ATF7IP2: variants seen among roughly 807,000 people sequenced by gnomAD.
The protein encoded by ATF7IP2 is activating transcription factor 7 interacting protein 2, also known as activating transcription factor 7-interacting protein 2.
In ATF7IP2, 42 loss-of-function variants were observed where a neutral mutation model predicts 64.2. That is an observed-to-expected ratio of 0.65 (90% CI 0.51 to 0.85). The LOEUF (loss-of-function observed/expected upper bound fraction) is 0.85, where lower values mean the gene tolerates loss of function less well. Ranked by LOEUF, ATF7IP2 falls within the 40% of genes least tolerant of loss-of-function variation. ATF7IP2 has a pLI of 0.00. For synonymous variants in ATF7IP2, 308 were observed against 272.8 expected (o/e 1.13, Z -1.27); for missense variants, 933 against 784.2 (o/e 1.19, Z -2.27).
At chr16:10,475,743 AACAG>A (rs1251847204) in intron 12 of ATF7IP2, among the ~76,000 whole-genome samples, 2 of 150,882 alleles carry the variant, frequency 1.3e-5, no homozygotes, top group East Asian at 3.9e-4. Flanking sequence ...AAAAAAAAAA[AACAG>A]AGAAAGAACA....
intron 6 of ATF7IP2, among the ~76,000 whole-genome samples, chr16:10,435,774 T>A (rs1287752726): frequency 2.0e-5 from 3 of 152,210 alleles, no homozygotes; most frequent in African/African-American, 4.8e-5. Flanking sequence ...AGTAACTGTT[T>A]AGTATACAAC....
chr16:10,431,816 ATTTC>A (rs1355979166), intron 5 of ATF7IP2, among the ~76,000 whole-genome samples: 1 of 122,472 alleles, frequency 8.2e-6, no homozygotes, highest in Non-Finnish European at 1.7e-5. Flanking sequence ...TGGTAACCCT[ATTTC>A]TTTTTTTTTT....
At chr16:10,435,795 C>G (rs1170974219) in intron 6 of ATF7IP2, among the ~76,000 whole-genome samples, 1 of 152,292 alleles carries the variant, frequency 6.6e-6, no homozygotes, top group East Asian at 1.9e-4. Context: ...TTTCCAGGCT[C>G]CTTTCCAAAA....
At chr16:10,474,565 A>G (rs1050399081) in intron 12 of ATF7IP2, among the ~76,000 whole-genome samples, 28 of 152,320 alleles carry the variant, frequency 1.8e-4, no homozygotes, top group African/African-American at 6.5e-4. Context: ...GAGTGACAAC[A>G]GTGTCTGTCG....
chr16:10,476,457 A>C (rs2050010881), intron 12 of ATF7IP2, among the ~76,000 whole-genome samples: 1 of 152,002 alleles, frequency 6.6e-6, no homozygotes, highest in South Asian at 2.1e-4. Flanking sequence ...CCCTTTTCTT[A>C]ACCATCCCTG....
At chr16:10,457,244 G>A (rs1308694749) in intron 8 of ATF7IP2, 128 bp from the exon 9 acceptor site, 5 of 750,100 alleles carry the variant, frequency 6.7e-6, no homozygotes, top group South Asian at 2.0e-5. Flanking sequence ...ATCAGCCATC[G>A]AAATACATGT....
At chr16:10,449,266 A>G (rs1035291561) in intron 8 of ATF7IP2, 1 of 152,056 alleles carries the variant, frequency 6.6e-6, no homozygotes, top group African/African-American at 2.4e-5. Context: ...ATTGGCCTGA[A>G]ATTTTCTTTT....
Position 10,454,928 on chromosome 16 carries a change from A to G in ATF7IP2, c.1195-2444A>G, listed in dbSNP as rs572876390. Among the ~76,000 whole-genome samples, 13 of 152,356 alleles carry G rather than the reference A, an allele frequency of 8.5e-5. No homozygotes were observed. The East Asian group carries it at 1.9e-3, about 23-fold the overall frequency. On this transcript the variant is annotated intron_variant, in intron 8 of 13. Coordinates refer to ENST00000562102, the MANE Select transcript of ATF7IP2 (RefSeq NM_001393719.1). ...ACCTGATTTCATTTGGTCAGAGAACATACTATGTAAAACTTAAATTTTGAA... is the reference window on the plus strand; with the variant it reads ...ACCTGATTTCATTTGGTCAGAGAACGTACTATGTAAAACTTAAATTTTGAA...
intron 12 of ATF7IP2, among the ~76,000 whole-genome samples, chr16:10,479,958 CTTTTTTTTTTTTTTTTTTTTTTTTTTTTT>C (rs201158427): frequency 2.5e-5 from 2 of 80,568 alleles, no homozygotes; most frequent in Non-Finnish European, 4.9e-5. Context: ...ACTGGAAATA[CTTTTTTTTTTTTTTTTTTTTTTTTTTTTT>C]TTTTTTTTTT....
chr16:10,431,348 A>G lies in ATF7IP2; in HGVS notation c.728A>G (p.Asn243Ser), dbSNP rs1158685935. The G allele has an allele frequency of 1.2e-6, 2 of 1,614,220 alleles. No individual in the cohort carries two copies. The highest frequency in any genetic ancestry group is 1.7e-4 in the Middle Eastern group (1 of 6,060). The change falls in exon 5 of 14, where the codon AAC (asparagine) becomes AGC (serine). Residue 243 changes from asparagine to serine, a missense_variant. Transcript: ENST00000562102. The part of the protein sequence containing the change: ...PNLVNSVTSN[N>S]CADDILKTDE... Reference sequence around the variant, plus strand: ...TTGGTGAATTCAGTCACTTCTAACAACTGTGCTGATGACATTTTGAAAACT... The same window carrying G: ...TTGGTGAATTCAGTCACTTCTAACAGCTGTGCTGATGACATTTTGAAAACT...
chr16:10,413,231 A>G (rs538786623), intron 1 of ATF7IP2, among the ~76,000 whole-genome samples: 11 of 152,170 alleles, frequency 7.2e-5, no homozygotes, highest in African/African-American at 2.4e-4. Flanking sequence ...CAGAATTTCT[A>G]TGTGTTGTGG....
At chr16:10,479,147 C>T (rs993449137) in intron 12 of ATF7IP2, among the ~76,000 whole-genome samples, 4 of 150,710 alleles carry the variant, frequency 2.7e-5, no homozygotes, top group East Asian at 1.9e-4. Flanking sequence ...CATCCCATTA[C>T]TGGGTATATA....
intron 12 of ATF7IP2, among the ~76,000 whole-genome samples, chr16:10,475,026 A>G (rs2049951172): frequency 6.6e-6 from 1 of 152,230 alleles, no homozygotes; most frequent in South Asian, 2.1e-4. Context: ...TACAAAAATA[A>G]GAATAAATAA....
chr16:10,391,913 G>A (rs1025014566), intron 1 of ATF7IP2, among the ~76,000 whole-genome samples: 2 of 151,132 alleles, frequency 1.3e-5, no homozygotes, highest in Admixed American at 6.6e-5. Flanking sequence ...AAAAAGAAAA[G>A]GAGGGACAGC....
chr16:10,482,534 A>G lies in ATF7IP2; in HGVS notation c.*285A>G. 4.5e-6 allele frequency: 1 copy of G among 221,010 alleles called. No homozygotes were observed. Among genetic ancestry groups the G allele is most frequent in the Non-Finnish European group, 8.6e-6 (1 of 116,414 alleles). The allele number at this position is 221,010 out of a possible 1,614,324, so 13.7% of individuals were successfully genotyped here. On this transcript the variant is annotated 3_prime_UTR_variant, in exon 14 of 14. Coordinates refer to ENST00000562102, the MANE Select transcript of ATF7IP2 (RefSeq NM_001393719.1). The stretch of plus-strand genomic sequence containing the variant: ...TAGTGACTGTGGAACTGCTGCTTCT[A>G]TCAGAAGACCTAGGATACAAGCAGC...
At chr16:10,441,801 A>G (rs2048632866) in intron 8 of ATF7IP2, among the ~76,000 whole-genome samples, 1 of 152,128 alleles carries the variant, frequency 6.6e-6, no homozygotes, top group Non-Finnish European at 1.5e-5. Flanking sequence ...TTGGTGTTTT[A>G]GTCATGAAGT....
chr16:10,401,255 C>T (rs1045972033), intron 1 of ATF7IP2, among the ~76,000 whole-genome samples: 9 of 150,596 alleles, frequency 6.0e-5, no homozygotes, highest in Non-Finnish European at 1.0e-4. Flanking sequence ...GCAACCTCCA[C>T]CTCCCAGGTT....
At chr16:10,439,772 G>A (rs908599905) in intron 7 of ATF7IP2, among the ~76,000 whole-genome samples, 4 of 151,018 alleles carry the variant, frequency 2.6e-5, no homozygotes, top group Non-Finnish European at 5.9e-5. Flanking sequence ...GACCTCAAGT[G>A]ATCTGCCCGC....
chr16:10,442,754 T>G (rs1456298184), intron 8 of ATF7IP2, among the ~76,000 whole-genome samples: 1 of 84,386 alleles, frequency 1.2e-5, no homozygotes, highest in Non-Finnish European at 2.4e-5. Flanking sequence ...TCATATCTAG[T>G]GCCATTCTAT....
Sources: gnomAD v4.1 joint callset for allele counts (sites outside exome capture counted in the v4.1 genomes callset) on GRCh38, gnomAD v4.1.1 for gene constraint, MANE v1.5 for transcripts, NCBI Gene and HGNC (gene_info 2026-07-23, HGNC 2026-07-21) for gene names.